Variants in RAB3GAP2 observed in about 807,000 individuals in gnomAD.
The protein encoded by RAB3GAP2 is rab3 GTPase-activating protein non-catalytic subunit.
In RAB3GAP2, 87 loss-of-function variants were observed where a neutral mutation model predicts 185.3. The observed-to-expected ratio is 0.47, with a 90% confidence interval of 0.39 to 0.56. The LOEUF (loss-of-function observed/expected upper bound fraction) is 0.56. Ranked by LOEUF, RAB3GAP2 falls within the 20% of genes least tolerant of loss-of-function variation. The pLI, the probability that RAB3GAP2 is intolerant of heterozygous loss-of-function variation, is 0.00. For synonymous variants in RAB3GAP2, 554 were observed against 576.1 expected (o/e 0.96, Z 0.55); for missense variants, 1,492 against 1,638.2 (o/e 0.91, Z 1.54).
chr1:220,176,204 T>C (rs1298868436), intron 21 of RAB3GAP2, among the ~76,000 whole-genome samples: 3 of 152,088 alleles, frequency 2.0e-5, no homozygotes, highest in African/African-American at 7.2e-5. Flanking sequence ...GAATGCCACA[T>C]TACATTATTC....
chr1:220,199,917 T>C (rs1658810302), intron 9 of RAB3GAP2, among the ~76,000 whole-genome samples: 1 of 152,158 alleles, frequency 6.6e-6, no homozygotes, highest in African/African-American at 2.4e-5. Context: ...CTGGTCTCCT[T>C]GCTTTCTTCT....
intron 12 of RAB3GAP2, among the ~76,000 whole-genome samples, chr1:220,193,685 T>G (rs1426099316): frequency 6.6e-6 from 1 of 152,198 alleles, no homozygotes; most frequent in African/African-American, 2.4e-5. Flanking sequence ...GTCCTCACCA[T>G]CAACTAAATT....
intron 7 of RAB3GAP2, among the ~76,000 whole-genome samples, chr1:220,208,553 T>C (rs545294877): frequency 6.6e-6 from 1 of 152,296 alleles, no homozygotes; most frequent in African/African-American, 2.4e-5. Context: ...AAACTCAACA[T>C]GTGCAAAACC....
rs1433309635 is a variant in RAB3GAP2, at chr1:220,214,973, T to TATATAC, written c.181-995_181-994insGTATAT. Among the ~76,000 whole-genome samples, 35 of 145,624 alleles carry TATATAC rather than the reference T, an allele frequency of 2.4e-4. 1 individual carries two copies. In the Admixed American group the frequency reaches 2.4e-3, roughly 10 times the overall value. On this transcript the variant is annotated intron_variant, in intron 2 of 34. Transcript: ENST00000358951. ...ATATATATATATATATATATATATATATACTTCTATACTTTGCTTTTTTCT... is the reference window on the plus strand; with the variant it reads ...ATATATATATATATATATATATATATATATACATACTTCTATACTTTGCTTTTTTCT...
chr1:220,216,604 C>T (rs1659206150), intron 2 of RAB3GAP2, among the ~76,000 whole-genome samples: 1 of 152,048 alleles, frequency 6.6e-6, no homozygotes, highest in Admixed American at 6.5e-5. Context: ...AAGAGGACAG[C>T]TTATATAGGA....
chr1:220,210,968 C>T lies in RAB3GAP2; in HGVS notation c.421G>A (p.Ala141Thr), dbSNP rs758138384. The change falls in exon 5 of 35, where the codon GCA becomes ACA. Residue 141 changes from alanine (A) to threonine (T), a missense_variant. Ala to Thr is a moderately conservative substitution (Grantham distance 58). This residue lies in a region of RAB3GAP2 where 243 missense variants were observed against 314.8 expected (regional missense o/e 0.77). Coordinates refer to ENST00000358951, the MANE Select transcript of RAB3GAP2 (RefSeq NM_012414.4). Reference protein sequence around the residue: ...CVTSALCIPLASQKRSSTGRP... With the variant: ...CVTSALCIPLTSQKRSSTGRP... ...ATTTATCCTTACCTCTTTTGGCTTG[C>T]TAGTGGGATACATAGAGCACTGGTT... The T allele has an allele frequency of 1.9e-6, 3 of 1,613,860 alleles. No individual in the cohort carries two copies. Among genetic ancestry groups the T allele is most frequent in the African/African-American group, 1.3e-5 (1 of 74,934 alleles).
chr1:220,151,099 CT>C lies in RAB3GAP2; in HGVS notation c.*151del. ...GGAGTGGAATTTAGCCAGGGTTGCA[CT>C]TTTTAAAAGTTGTATATACTTTTAT... On this transcript the variant is annotated 3_prime_UTR_variant, in exon 35 of 35. Coordinates refer to ENST00000358951, the MANE Select transcript of RAB3GAP2 (RefSeq NM_012414.4). The C allele has an allele frequency of 2.6e-6, 2 of 777,282 alleles. No individual in the cohort carries two copies. Among genetic ancestry groups the C allele is most frequent in the South Asian group, 3.8e-5 (2 of 52,022 alleles). The allele number at this position is 777,282 out of a possible 1,614,324, so 48.1% of individuals were successfully genotyped here. A position where few individuals can be genotyped will look rare whatever the true frequency, so the allele number is the denominator to read the frequency against.
At chr1:220,230,710 TA>T (rs1392985712) in intron 2 of RAB3GAP2, among the ~76,000 whole-genome samples, 1 of 152,348 alleles carries the variant, frequency 6.6e-6, no homozygotes, top group African/African-American at 2.4e-5. Context: ...CAGGGTTTTT[TA>T]AAAACTTCTT....
rs1255549555 is a variant in RAB3GAP2 at position 220,248,174 on chromosome 1, CTTATA to C, written c.116-15316_116-15312del. The stretch of plus-strand genomic sequence containing the variant: ...TCTAGATAAATACTGTATGATCTCA[CTTATA>C]AGTGGAATCTAAAAAAGTCAAACTA... On this transcript the variant is annotated intron_variant, in intron 1 of 34. Transcript: ENST00000358951. Among the ~76,000 whole-genome samples, 7 of 152,020 alleles carry C rather than the reference CTTATA, an allele frequency of 4.6e-5. No homozygotes were observed. The South Asian group carries it at 1.0e-3, about 23-fold the overall frequency.
chr1:220,160,234 G>A (rs957314776), intron 28 of RAB3GAP2, among the ~76,000 whole-genome samples: 7 of 152,294 alleles, frequency 4.6e-5, no homozygotes, highest in African/African-American at 1.4e-4. Context: ...TGTCTACAGT[G>A]TAATAAGTGG....
intron 24 of RAB3GAP2, among the ~76,000 whole-genome samples, chr1:220,170,258 G>A (rs568733666): frequency 2.0e-5 from 3 of 152,222 alleles, no homozygotes; most frequent in East Asian, 3.9e-4. Flanking sequence ...CACATACCAG[G>A]GCCTGTGGGG....
intron 9 of RAB3GAP2, 34 bp from the exon 10 acceptor site, chr1:220,196,432 A>C: frequency 1.3e-6 from 2 of 1,542,940 alleles, no homozygotes; most frequent in Non-Finnish European, 1.8e-6. Flanking sequence ...TGAATGTACA[A>C]TGTTATTGCG....
chr1:220,164,693 T>C lies in RAB3GAP2; in HGVS notation c.3154+40A>G, dbSNP rs771794279. 3.2e-6 allele frequency: 5 copies of C among 1,581,460 alleles called. No individual in the cohort carries two copies. The Admixed American group carries it at 8.9e-5, about 28-fold the overall frequency. ...ATCCTGTTAAATCAGGAAGCCTCTT[T>C]TAGATCAAACAGTGATGTTTCTAAC... On this transcript the variant is annotated intron_variant, in intron 27 of 34. Transcript: ENST00000358951.
intron 2 of RAB3GAP2, among the ~76,000 whole-genome samples, chr1:220,220,961 C>T (rs1038713385): frequency 2.0e-5 from 3 of 152,282 alleles, no homozygotes; most frequent in Non-Finnish European, 4.4e-5. Flanking sequence ...CACTGGCCTA[C>T]GTGGAGAGAG....
Position 220,171,912 on chromosome 1 carries a change from A to G in RAB3GAP2, c.2554T>C (p.Ser852Pro), listed in dbSNP as rs1347348727. The change falls in exon 23 of 35, where the codon TCA (serine) becomes CCA (proline). Residue 852 changes from serine to proline, a missense_variant. Transcript: ENST00000358951. Reference sequence around the variant, plus strand: ...ACTTTTTTCTCTGTCATGTTGTTTGATATCTGTGCAGCAACAGAATGCCCA... The same window carrying G: ...ACTTTTTTCTCTGTCATGTTGTTTGGTATCTGTGCAGCAACAGAATGCCCA... ...HVGHSVAAQI[S>P]NNMTEKKFSQ... The G allele has an allele frequency of 1.4e-5, 22 of 1,614,128 alleles. No homozygotes were observed. Among genetic ancestry groups the G allele is most frequent in the East Asian group, 4.5e-5 (2 of 44,874 alleles).
chr1:220,151,855 T>A, intron 33 of RAB3GAP2, 91 bp from the exon 34 acceptor site: 3 of 1,338,836 alleles, frequency 2.2e-6, no homozygotes, highest in Non-Finnish European at 3.2e-6. Flanking sequence ...GAGATTCTAG[T>A]TGATTTTTGA....
chr1:220,262,619 C>T (rs1660161295), intron 1 of RAB3GAP2, among the ~76,000 whole-genome samples: 2 of 152,310 alleles, frequency 1.3e-5, no homozygotes, highest in South Asian at 4.1e-4. Flanking sequence ...TAACAAGGTT[C>T]ATTCATGTTA....
intron 1 of RAB3GAP2, among the ~76,000 whole-genome samples, chr1:220,239,960 C>A: frequency 6.7e-6 from 1 of 149,754 alleles, no homozygotes. Flanking sequence ...CATTGAGTTC[C>A]CAAATAAACA....
chr1:220,272,174 A>C (rs749722248), intron 1 of RAB3GAP2, 49 bp downstream of exon 1: 1 of 1,477,418 alleles, frequency 6.8e-7, no homozygotes, highest in Non-Finnish European at 9.3e-7. Flanking sequence ...CCGTGAGCAG[A>C]GGCCGCGGGT....
Sources: allele counts gnomAD v4.1 joint callset (sites outside exome capture counted in the v4.1 genomes callset), GRCh38; gene constraint gnomAD v4.1.1; regional missense constraint gnomAD v4.1.1; transcripts MANE v1.5; gene names NCBI Gene and HGNC (gene_info 2026-07-23, HGNC 2026-07-21).